Variants in ESRRG observed in about 807,000 individuals in gnomAD.
The protein encoded by ESRRG is estrogen-related receptor gamma.
A neutral mutation model predicts 44.0 loss-of-function variants in ESRRG; 13 were observed. That is an observed-to-expected ratio of 0.30 (90% CI 0.19 to 0.47). The LOEUF (loss-of-function observed/expected upper bound fraction) is 0.47. Among genes scored for constraint, ESRRG ranks in the 20% least tolerant of loss-of-function variants. The pLI is 1.00. For missense variants in ESRRG, 395 were observed against 580.6 expected, an observed-to-expected ratio of 0.68 and a Z score of 3.29; for synonymous variants, 215 against 214.6, an observed-to-expected ratio of 1.00 and a Z score of -0.02.
At chr1:216,757,140 A>G (rs145178486) in intron 2 of ESRRG, among the ~76,000 whole-genome samples, 7 of 152,136 alleles carry the variant, frequency 4.6e-5, no homozygotes, top group African/African-American at 1.7e-4. Flanking sequence ...CTTTATTATA[A>G]AGATTTCCTT....
At chr1:216,710,188 A>C (rs2083311504) in intron 1 of ESRRG, among the ~76,000 whole-genome samples, 1 of 152,146 alleles carries the variant, frequency 6.6e-6, no homozygotes, top group Admixed American at 6.5e-5. Context: ...TGTTTTTAGT[A>C]CACACTTCGG....
intron 5 of ESRRG, among the ~76,000 whole-genome samples, chr1:216,530,453 C>T (rs2049036319): frequency 6.6e-6 from 1 of 152,050 alleles, no homozygotes; most frequent in Non-Finnish European, 1.5e-5. Flanking sequence ...AAAGTTTTTC[C>T]TAATACTGCT....
chr1:216,606,047 A>G (rs1374307092), intron 3 of ESRRG, among the ~76,000 whole-genome samples: 1 of 152,232 alleles, frequency 6.6e-6, no homozygotes, highest in Admixed American at 6.5e-5. Context: ...ACAAAATCAC[A>G]TCACTGGCAT....
In ESRRG at chr1:217,081,221, C is replaced by CTTTTTTTTT. The variant is rs143325476; in HGVS notation, c.-106+8277_-106+8285dup. Among the ~76,000 whole-genome samples, 257 of 70,412 alleles carry CTTTTTTTTT rather than the reference C, an allele frequency of 3.6e-3. 51 individuals carry two copies. Among genetic ancestry groups the CTTTTTTTTT allele is most frequent in the African/African-American group, 5.9e-3 (98 of 16,604 alleles). 46.2% of individuals were successfully genotyped at this position (70,412 alleles called of 152,430 possible). ...TCAGTGAATTATAGATAAAAATATTCTTTTTTTTTTTTTTTTTTTTTTTGA... is the reference window on the plus strand; with the variant it reads ...TCAGTGAATTATAGATAAAAATATTCTTTTTTTTTTTTTTTTTTTTTTTTTTTTTTTTGA... On this transcript the variant is annotated intron_variant, in intron 1 of 7. Transcript: ENST00000359162.
At chr1:216,723,211 C>T (rs747230080) in intron 1 of ESRRG, 33 bp downstream of exon 1, 2 of 1,577,524 alleles carry the variant, frequency 1.3e-6, no homozygotes, top group Non-Finnish European at 1.7e-6. Flanking sequence ...ACCCCCACGA[C>T]GAGTTTAAAA....
intron 2 of ESRRG, among the ~76,000 whole-genome samples, chr1:216,787,257 C>T (rs1024761722): frequency 6.6e-6 from 1 of 151,996 alleles, no homozygotes; most frequent in African/African-American, 2.4e-5. Context: ...TCTCTCTGTC[C>T]TTGGCCATCC....
chr1:216,865,422 A>AT (rs201720309), intron 2 of ESRRG, among the ~76,000 whole-genome samples: 264 of 146,704 alleles, frequency 1.8e-3, no homozygotes, highest in African/African-American at 4.7e-3. Flanking sequence ...ACAACTGTCC[A>AT]TTTTTTTTTT....
intron 1 of ESRRG, among the ~76,000 whole-genome samples, chr1:216,991,193 C>T (rs1353769463): frequency 6.6e-5 from 10 of 152,014 alleles, no homozygotes; most frequent in Non-Finnish European, 1.2e-4. Context: ...CAAAACCATC[C>T]CCCACCCATC....
chr1:216,832,314 C>A (rs1218757339), intron 2 of ESRRG, among the ~76,000 whole-genome samples: 1 of 152,150 alleles, frequency 6.6e-6, no homozygotes, highest in Non-Finnish European at 1.5e-5. Context: ...ATTCCTTGCT[C>A]AACATTGACT....
chr1:216,705,643 G>T (rs1418367827), intron 1 of ESRRG, among the ~76,000 whole-genome samples: 1 of 152,124 alleles, frequency 6.6e-6, no homozygotes, highest in Admixed American at 6.5e-5. Context: ...TATGCAAATC[G>T]AATGCTTTCA....
intron 4 of ESRRG, among the ~76,000 whole-genome samples, chr1:216,565,248 A>C (rs2059480015): frequency 6.6e-6 from 1 of 152,214 alleles, no homozygotes; most frequent in African/African-American, 2.4e-5. Context: ...GGTTTATGGA[A>C]GGGGCTGTAA....
intron 2 of ESRRG, among the ~76,000 whole-genome samples, chr1:216,662,657 G>A (rs1309427370): frequency 1.3e-5 from 2 of 152,024 alleles, no homozygotes; most frequent in Non-Finnish European, 2.9e-5. Context: ...ATTGTCCAAG[G>A]GACATAGGAT....
At chr1:217,005,173 CT>C (rs949095255) in intron 1 of ESRRG, among the ~76,000 whole-genome samples, 1 of 152,054 alleles carries the variant, frequency 6.6e-6, no homozygotes, top group African/African-American at 2.4e-5. Context: ...TTTCATTAGA[CT>C]TTTTTAAATA....
intron 1 of ESRRG, chr1:217,137,529 AGGGCCT>A (rs2093065823): frequency 1.3e-5 from 2 of 152,334 alleles, no homozygotes; most frequent in African/African-American, 4.8e-5. Context: ...GGCTGCCCCA[AGGGCCT>A]GGGAGGCTGC....
chr1:216,930,409 T>C (rs888671265), intron 2 of ESRRG, among the ~76,000 whole-genome samples: 2 of 152,174 alleles, frequency 1.3e-5, no homozygotes, highest in African/African-American at 4.8e-5. Context: ...TTATTTAGAA[T>C]TACTCTCTCC....
intron 2 of ESRRG, among the ~76,000 whole-genome samples, chr1:216,846,748 T>A: frequency 6.6e-6 from 1 of 152,116 alleles, no homozygotes; most frequent in East Asian, 1.9e-4. Flanking sequence ...CTAATTTAGT[T>A]AACTTAGAGG....
chr1:216,723,398 C>T lies in ESRRG; in HGVS notation c.-99G>A. 1 of 1,126,168 alleles carries T rather than the reference C, an allele frequency of 8.9e-7. No homozygotes were observed. The highest frequency in any genetic ancestry group is 1.3e-6 in the Non-Finnish European group (1 of 743,956). The allele number at this position is 1,126,168 out of a possible 1,614,324, so 69.8% of individuals were successfully genotyped here. A position where few individuals can be genotyped will look rare whatever the true frequency, so the allele number is the denominator to read the frequency against. On this transcript the variant is annotated 5_prime_UTR_variant, in exon 1 of 7. Coordinates refer to ENST00000408911, the MANE Select transcript of ESRRG (RefSeq NM_001438.4). ...ACACAAATGTTCTCCTAGTGACAAG[C>T]CTATAGGCACAGCCAGTTGGGACCA...
intron 1 of ESRRG, among the ~76,000 whole-genome samples, chr1:216,982,924 G>A (rs1036768051): frequency 1.3e-5 from 2 of 151,776 alleles, no homozygotes; most frequent in East Asian, 3.9e-4. Flanking sequence ...GATAACATGA[G>A]TCATCAGATA....
intron 1 of ESRRG, among the ~76,000 whole-genome samples, chr1:217,056,011 T>C (rs2087013823): frequency 1.3e-5 from 2 of 152,162 alleles, no homozygotes; most frequent in South Asian, 2.1e-4. Flanking sequence ...TCCCTTGCTG[T>C]CAGGTAGGTC....
Sources: allele counts gnomAD v4.1 joint callset (sites outside exome capture counted in the v4.1 genomes callset), GRCh38; gene constraint gnomAD v4.1.1; transcripts MANE v1.5; gene names NCBI Gene and HGNC (gene_info 2026-07-23, HGNC 2026-07-21).